Variants in KIAA1217 observed in about 807,000 individuals in gnomAD.
KIAA1217 encodes the protein sickle tail protein homolog.
In KIAA1217, 88 loss-of-function variants were observed where a neutral mutation model predicts 163.9. That is an observed-to-expected ratio of 0.54 (90% CI 0.45 to 0.64). KIAA1217 has a LOEUF of 0.64. KIAA1217 is among the 30% of genes least tolerant of loss of function. The probability of loss-of-function intolerance (pLI) is 0.00; values close to 1 mark genes in which losing one functional copy is unlikely to be tolerated. For missense variants in KIAA1217, 2,372 were observed against 2,475.0 expected (o/e 0.96, Z 0.88); for synonymous variants, 903 against 923.1 (o/e 0.98, Z 0.39).
chr10:24,223,061 G>T (rs939738180), intron 2 of KIAA1217, among the ~76,000 whole-genome samples: 1 of 152,078 alleles, frequency 6.6e-6, no homozygotes, highest in Non-Finnish European at 1.5e-5. Context: ...TGGCCATGTT[G>T]GTTTGGTAGG....
intron 2 of KIAA1217, among the ~76,000 whole-genome samples, chr10:24,325,342 C>T (rs2044729177): frequency 6.6e-6 from 1 of 152,102 alleles, no homozygotes; most frequent in Admixed American, 6.5e-5. Context: ...CAGTTCCTGG[C>T]ATTATGGAGA....
At chr10:23,811,802 A>T (rs964701539) in intron 1 of KIAA1217, among the ~76,000 whole-genome samples, 4 of 152,120 alleles carry the variant, frequency 2.6e-5, no homozygotes, top group African/African-American at 9.7e-5. Context: ...GACTCAGGGG[A>T]TTCTCAGGTT....
At chr10:24,393,489 C>T (rs762706842) in intron 3 of KIAA1217, among the ~76,000 whole-genome samples, 13 of 152,142 alleles carry the variant, frequency 8.5e-5, no homozygotes, top group Admixed American at 3.9e-4. Context: ...ACCACCATGA[C>T]GCTCTTCGGT....
chr10:23,796,340 C>CTTGCTTATTTATTTAT (rs140864660), intron 1 of KIAA1217, among the ~76,000 whole-genome samples: 170 of 148,478 alleles, frequency 1.1e-3, no homozygotes, highest in African/African-American at 4.0e-3. Flanking sequence ...CGAGAGACTG[C>CTTGCTTATTTATTTAT]TTATTTATTT....
chr10:24,447,223 T>C (rs1042055859), intron 5 of KIAA1217, among the ~76,000 whole-genome samples: 1 of 152,070 alleles, frequency 6.6e-6, no homozygotes, highest in East Asian at 1.9e-4. Context: ...TTTTAATGAA[T>C]GATTTATATA....
intron 1 of KIAA1217, among the ~76,000 whole-genome samples, chr10:23,948,945 T>C (rs971822594): frequency 6.6e-6 from 1 of 152,176 alleles, no homozygotes; most frequent in African/African-American, 2.4e-5. Context: ...AATGCTAATG[T>C]ATACAAGGTA....
intron 2 of KIAA1217, among the ~76,000 whole-genome samples, chr10:24,095,803 G>C (rs2062135162): frequency 6.6e-6 from 1 of 152,112 alleles, no homozygotes. Context: ...ATGTGTACTA[G>C]ATTGTCCAAA....
chr10:23,890,386 G>A (rs528744253), intron 1 of KIAA1217, among the ~76,000 whole-genome samples: 1 of 151,392 alleles, frequency 6.6e-6, no homozygotes, highest in South Asian at 2.1e-4. Context: ...TCTGAGCAAT[G>A]CTTTATCTGC....
intron 1 of KIAA1217, among the ~76,000 whole-genome samples, chr10:23,931,224 G>C (rs2131311780): frequency 6.6e-6 from 1 of 152,130 alleles, no homozygotes; most frequent in South Asian, 2.1e-4. Flanking sequence ...CAATAATTCT[G>C]AGTGATAGGT....
intron 5 of KIAA1217, among the ~76,000 whole-genome samples, chr10:24,457,771 G>A (rs1005221713): frequency 6.6e-6 from 1 of 152,116 alleles, no homozygotes; most frequent in African/African-American, 2.4e-5. Flanking sequence ...TACATCCTGT[G>A]TGGGAAGGAA....
At chr10:23,925,109 A>C (rs2131299538) in intron 1 of KIAA1217, among the ~76,000 whole-genome samples, 1 of 152,274 alleles carries the variant, frequency 6.6e-6, no homozygotes, top group African/African-American at 2.4e-5. Context: ...ATGTGGAAGA[A>C]GAAGATGGAG....
intron 2 of KIAA1217, among the ~76,000 whole-genome samples, chr10:24,332,685 G>A (rs1012799076): frequency 6.6e-6 from 1 of 152,094 alleles, no homozygotes; most frequent in African/African-American, 2.4e-5. Flanking sequence ...ATTACTTTTT[G>A]CTGTACAGCT....
intron 1 of KIAA1217, among the ~76,000 whole-genome samples, chr10:23,997,440 A>G (rs1846535892): frequency 6.6e-6 from 1 of 152,154 alleles, no homozygotes; most frequent in African/African-American, 2.4e-5. Flanking sequence ...ATTTGATGGG[A>G]AAAATATATA....
At chr10:23,923,045 C>A (rs1443706289) in intron 1 of KIAA1217, among the ~76,000 whole-genome samples, 1 of 152,026 alleles carries the variant, frequency 6.6e-6, no homozygotes, top group Non-Finnish European at 1.5e-5. Context: ...ACCTGTCACC[C>A]AAGCAGGGTA....
At chr10:23,934,587 A>G (rs377623331) in intron 1 of KIAA1217, among the ~76,000 whole-genome samples, 6,606 of 58,802 alleles carry the variant, frequency 0.11, 786 homozygotes, top group African/African-American at 0.32. Flanking sequence ...ATATATATAT[A>G]TATGTATATA....
chr10:24,236,181 TGAAA>T (rs1460837648), intron 2 of KIAA1217, among the ~76,000 whole-genome samples: 6 of 152,358 alleles, frequency 3.9e-5, no homozygotes, highest in South Asian at 2.1e-4. Flanking sequence ...ATATTTTGCT[TGAAA>T]GAAAGTATTC....
intron 3 of KIAA1217, among the ~76,000 whole-genome samples, chr10:24,388,471 G>T: frequency 6.6e-6 from 1 of 152,128 alleles, no homozygotes; most frequent in Non-Finnish European, 1.5e-5. Flanking sequence ...AGAAAACCTA[G>T]GCAATACCAT....
At chr10:24,009,217 G>T (rs894462155) in intron 2 of KIAA1217, among the ~76,000 whole-genome samples, 6 of 152,136 alleles carry the variant, frequency 3.9e-5, no homozygotes, top group African/African-American at 1.4e-4. Context: ...TTTGGGTATA[G>T]AATGTGGTAG....
chr10:23,961,187 C>T (rs1249156743), intron 1 of KIAA1217, among the ~76,000 whole-genome samples: 1 of 152,164 alleles, frequency 6.6e-6, no homozygotes, highest in East Asian at 1.9e-4. Context: ...TATCTTCTTG[C>T]CTTTCCTCCA....
Sources: gnomAD v4.1 joint callset for allele counts (sites outside exome capture counted in the v4.1 genomes callset) on GRCh38, gnomAD v4.1.1 for gene constraint, MANE v1.5 for transcripts, NCBI Gene and HGNC (gene_info 2026-07-23, HGNC 2026-07-21) for gene names.